The following ERC2 variants were observed in gnomAD, a reference collection of about 807,000 sequenced individuals.
The protein encoded by ERC2 is ELKS/RAB6-interacting/CAST family member 2.
A neutral mutation model predicts 114.8 loss-of-function variants in ERC2; 42 were observed. The ratio of observed to expected loss-of-function variants is 0.37; its 90% CI spans 0.29 to 0.47. The LOEUF is 0.47. ERC2 is among the 20% of genes least tolerant of loss of function. The pLI is 0.99. For synonymous variants in ERC2, 454 were observed against 425.5 expected (o/e 1.07, Z -0.82); for missense variants, 939 against 1,150.7 (o/e 0.82, Z 2.66).
At chr3:56,272,421 C>T (rs1318920264) in intron 3 of ERC2, among the ~76,000 whole-genome samples, 1 of 152,180 alleles carries the variant, frequency 6.6e-6, no homozygotes, top group African/African-American at 2.4e-5. Context: ...TCCTTGGTGA[C>T]TATTCAGATG....
chr3:56,388,194 G>A (rs2060002895), intron 2 of ERC2, among the ~76,000 whole-genome samples: 1 of 152,130 alleles, frequency 6.6e-6, no homozygotes, highest in South Asian at 2.1e-4. Flanking sequence ...ACATCAAAAT[G>A]TATTCCTCAG....
chr3:56,045,229 G>T (rs1414865300), intron 7 of ERC2, among the ~76,000 whole-genome samples: 1 of 152,110 alleles, frequency 6.6e-6, no homozygotes, highest in East Asian at 1.9e-4. Context: ...TAACATGCAA[G>T]AATTAAAGGC....
At chr3:55,912,021 T>A (rs1024458340) in intron 13 of ERC2, among the ~76,000 whole-genome samples, 7 of 152,116 alleles carry the variant, frequency 4.6e-5, no homozygotes, top group Non-Finnish European at 1.0e-4. Context: ...TGAACCCCCA[T>A]ACATTGGAGT....
chr3:55,911,617 ACC>A (rs2064819552), intron 13 of ERC2, among the ~76,000 whole-genome samples: 1 of 152,218 alleles, frequency 6.6e-6, no homozygotes, highest in Admixed American at 6.5e-5. Flanking sequence ...TTGGAGGACC[ACC>A]AATTTGCATT....
chr3:55,821,071 G>A (rs2060103676), intron 14 of ERC2, among the ~76,000 whole-genome samples: 1 of 150,954 alleles, frequency 6.6e-6, no homozygotes, highest in Non-Finnish European at 1.5e-5. Flanking sequence ...TGAAGAAGGG[G>A]TAAAAAAAAG....
At chr3:55,834,949 C>T (rs2060802539) in intron 14 of ERC2, among the ~76,000 whole-genome samples, 1 of 150,708 alleles carries the variant, frequency 6.6e-6, no homozygotes. Context: ...ATACAAACTA[C>T]CATCAGAGAA....
At chr3:56,416,598 C>T (rs951128553) in intron 2 of ERC2, among the ~76,000 whole-genome samples, 2 of 151,130 alleles carry the variant, frequency 1.3e-5, no homozygotes, top group East Asian at 1.9e-4. Flanking sequence ...CCACCAAACC[C>T]ACCTCCCTAC....
At chr3:55,532,617 A>T (rs2053741925) in intron 17 of ERC2, among the ~76,000 whole-genome samples, 2 of 152,096 alleles carry the variant, frequency 1.3e-5, no homozygotes, top group Admixed American at 1.3e-4. Flanking sequence ...TTTTATTCTC[A>T]TTTAGAGATG....
chr3:56,427,257 T>C (rs1433205046), intron 2 of ERC2, among the ~76,000 whole-genome samples: 1 of 150,944 alleles, frequency 6.6e-6, no homozygotes. Context: ...CAGGGATTTT[T>C]TGTTTGGTTG....
intron 14 of ERC2, among the ~76,000 whole-genome samples, chr3:55,749,877 C>T (rs996296990): frequency 1.3e-5 from 2 of 152,154 alleles, no homozygotes; most frequent in Admixed American, 6.5e-5. Context: ...CGAAGGTCTA[C>T]GACTTCATTC....
Position 56,217,474 on chromosome 3 carries a change from C to T in ERC2, c.1075-43954G>A, listed in dbSNP as rs193238385. Among the ~76,000 whole-genome samples the T allele has an allele frequency of 5.0e-3, 767 of 152,072 alleles. 14 individuals carry two copies. Among genetic ancestry groups the T allele is most frequent in the African/African-American group, 0.018 (738 of 41,460 alleles). ...TCAAGGAGAACTACAAACCACTGCT[C>T]GACAAAATAAAAGAGGATACAAACA... On this transcript the variant is annotated intron_variant, in intron 3 of 17. Coordinates refer to ENST00000288221, the MANE Select transcript of ERC2 (RefSeq NM_015576.3).
chr3:56,459,976 G>A (rs2063237413), intron 1 of ERC2, among the ~76,000 whole-genome samples: 1 of 152,334 alleles, frequency 6.6e-6, no homozygotes, highest in East Asian at 1.9e-4. Flanking sequence ...AAGTGGAGAA[G>A]TAATGCCCAA....
At chr3:56,156,527 T>A (rs2081730271) in intron 4 of ERC2, among the ~76,000 whole-genome samples, 1 of 152,062 alleles carries the variant, frequency 6.6e-6, no homozygotes, top group Non-Finnish European at 1.5e-5. Context: ...TAGCTGAATT[T>A]GGGGACCCCT....
chr3:56,339,311 G>T (rs774668440), intron 2 of ERC2, among the ~76,000 whole-genome samples: 9 of 152,260 alleles, frequency 5.9e-5, no homozygotes, highest in Non-Finnish European at 1.2e-4. Flanking sequence ...TTCTGAGGAG[G>T]TGAACTATGG....
chr3:56,342,336 T>C (rs1235159913), intron 2 of ERC2, among the ~76,000 whole-genome samples: 2 of 152,272 alleles, frequency 1.3e-5, no homozygotes, highest in African/African-American at 4.8e-5. Flanking sequence ...CACTAAGTTA[T>C]GCCAGTAAAT....
At chr3:56,067,248 T>C (rs1329489696) in intron 7 of ERC2, among the ~76,000 whole-genome samples, 1 of 152,186 alleles carries the variant, frequency 6.6e-6, no homozygotes, top group Non-Finnish European at 1.5e-5. Context: ...TGGATTGTAG[T>C]TCTCCTTGAA....
At chr3:56,295,270 TA>T (rs1483893016) in intron 3 of ERC2, among the ~76,000 whole-genome samples, 7 of 152,230 alleles carry the variant, frequency 4.6e-5, no homozygotes, top group Admixed American at 4.6e-4. Flanking sequence ...ATGATACTTT[TA>T]AGGTCCATAT....
chr3:55,664,731 G>A (rs1348253080), intron 17 of ERC2, among the ~76,000 whole-genome samples: 2 of 152,166 alleles, frequency 1.3e-5, no homozygotes, highest in East Asian at 1.9e-4. Context: ...CTTCAGGCGA[G>A]GTTGTGGGGA....
Position 56,080,811 on chromosome 3 carries a change from A to T in ERC2, c.1641+6T>A. 1 of 1,612,652 alleles carries T rather than the reference A, an allele frequency of 6.2e-7. No homozygotes were observed. Among genetic ancestry groups the T allele is most frequent in the Non-Finnish European group, 8.5e-7 (1 of 1,179,448 alleles). ...CCCACTTGAAGGTCTTATGTCAGCT[A>T]CTCACCTTTTTCTGAAGAACATTGA... On this transcript the variant is annotated splice_donor_region_variant and intron_variant, in intron 7 of 17. Transcript: ENST00000288221.
Sources: gnomAD v4.1 joint callset for allele counts (sites outside exome capture counted in the v4.1 genomes callset) on GRCh38, gnomAD v4.1.1 for gene constraint, MANE v1.5 for transcripts, NCBI Gene and HGNC (gene_info 2026-07-23, HGNC 2026-07-21) for gene names.